Variants in FAM167A observed in about 807,000 individuals in gnomAD.
FAM167A encodes family with sequence similarity 167 member A.
FAM167A carries 23 observed loss-of-function variants against 14.9 expected under a neutral mutation model. That is an observed-to-expected ratio of 1.55 (90% CI 1.11 to 2.19). The LOEUF (loss-of-function observed/expected upper bound fraction) is 2.19, where lower values mean the gene tolerates loss of function less well. Ranked by LOEUF, FAM167A falls within the 30% of genes most tolerant of loss-of-function variation. The pLI, the probability that FAM167A is intolerant of heterozygous loss-of-function variation, is 0.00. For missense variants in FAM167A, 401 were observed against 281.5 expected (o/e 1.42, Z -3.04); for synonymous variants, 174 against 117.7 (o/e 1.48, Z -3.10).
chr8:11,432,173 C>G (rs1408888645), intron 2 of FAM167A, among the ~76,000 whole-genome samples: 5 of 152,114 alleles, frequency 3.3e-5, no homozygotes, highest in African/African-American at 1.2e-4. Flanking sequence ...GAGATCTGCT[C>G]CAATACTTTC....
rs540636504 is a variant in FAM167A at position 11,474,286 on chromosome 8, A to G, written c.-398+1580T>C. Among the ~76,000 whole-genome samples, 29 of 152,338 alleles carry G rather than the reference A, an allele frequency of 1.9e-4. 1 individual carries two copies. The South Asian group carries it at 6.0e-3, about 32-fold the overall frequency. ...CAGGCACAGCATGAACAAATATTCA[A>G]CAAGCAAACTGGCAGCATTCCTGGA... On this transcript the variant is annotated intron_variant, in intron 1 of 1. Coordinates refer to the FAM167A transcript ENST00000648766.
chr8:11,469,676 G>A (rs1807892476), upstream of FAM167A, among the ~76,000 whole-genome samples: 1 of 151,772 alleles, frequency 6.6e-6, no homozygotes, highest in Non-Finnish European at 1.5e-5. Context: ...AGACCAGCCT[G>A]GGCAACATGG....
chr8:11,450,839 T>C (rs912737554), intron 1 of FAM167A, among the ~76,000 whole-genome samples: 3 of 152,182 alleles, frequency 2.0e-5, no homozygotes, highest in African/African-American at 7.2e-5. Flanking sequence ...TCCCCACGGA[T>C]GCCACCCACC....
chr8:11,435,065 G>A (rs770211187), intron 2 of FAM167A: 44 of 456,752 alleles, frequency 9.6e-5, no homozygotes, highest in Non-Finnish European at 1.8e-4. Flanking sequence ...TCAAGAGGCT[G>A]ATGGGCAGGT....
intron 2 of FAM167A, among the ~76,000 whole-genome samples, chr8:11,437,134 A>C (rs565356101): frequency 2.2e-4 from 33 of 152,316 alleles, no homozygotes; most frequent in Admixed American, 7.8e-4. Flanking sequence ...GGGGCCTCAC[A>C]GTTTCCTATA....
intron 1 of FAM167A, among the ~76,000 whole-genome samples, chr8:11,452,597 C>A (rs1292436793): frequency 6.6e-6 from 1 of 152,214 alleles, no homozygotes; most frequent in Non-Finnish European, 1.5e-5. Context: ...CATCAGCCTC[C>A]ACCCCACGAG....
intron 2 of FAM167A, among the ~76,000 whole-genome samples, chr8:11,437,885 C>G (rs929511510): frequency 2.0e-5 from 3 of 152,186 alleles, no homozygotes; most frequent in Non-Finnish European, 2.9e-5. Context: ...GAGGAATTTG[C>G]GTATTTCCCT....
intron 2 of FAM167A, chr8:11,435,143 C>T (rs2117038587): frequency 4.4e-6 from 2 of 456,676 alleles, no homozygotes; most frequent in Non-Finnish European, 8.8e-6. Context: ...TCTCCAGCCT[C>T]CTCTCCCACT....
At chr8:11,456,714 G>C (rs1807328139) in intron 1 of FAM167A, among the ~76,000 whole-genome samples, 1 of 151,590 alleles carries the variant, frequency 6.6e-6, no homozygotes, top group Non-Finnish European at 1.5e-5. Flanking sequence ...TAGGGATGTA[G>C]GTGTGGCTGG....
chr8:11,457,135 G>C (rs967941999), intron 1 of FAM167A, among the ~76,000 whole-genome samples: 2 of 149,710 alleles, frequency 1.3e-5, no homozygotes, highest in Non-Finnish European at 3.0e-5. Context: ...GGCGGGGCTG[G>C]GTTAGGGGTG....
At chr8:11,441,115 G>C (rs557019344) in intron 2 of FAM167A, among the ~76,000 whole-genome samples, 1 of 152,166 alleles carries the variant, frequency 6.6e-6, no homozygotes, top group Admixed American at 6.5e-5. Context: ...CCTCAGAGTC[G>C]CAATCTTCTG....
rs1432961764 is a variant in FAM167A at position 11,444,290 on chromosome 8, G to A, written c.122C>T (p.Thr41Ile). 3 of 1,612,028 alleles carry A rather than the reference G, an allele frequency of 1.9e-6. No homozygotes were observed. Among genetic ancestry groups the A allele is most frequent in the Admixed American group, 1.7e-5 (1 of 59,986 alleles). ...CCATTCCAGGTAGGAGGGCCTGCGG[G>A]TCTCCAGCCTCAGTTTCTCGGTGAG... ...KALTEKLRLE[T>I]RRPSYLEWQA... is the part of the protein sequence containing the mutation. Residue 41 changes from threonine (T) to isoleucine (I), a missense_variant, in exon 2 of 3, where the codon ACC becomes ATC. Coordinates refer to ENST00000284486, the MANE Select transcript of FAM167A (RefSeq NM_053279.3).
chr8:11,435,461 GAATGAATC>G (rs1450893308), intron 2 of FAM167A, among the ~76,000 whole-genome samples: 3 of 152,230 alleles, frequency 2.0e-5, no homozygotes, highest in Admixed American at 6.5e-5. Context: ...TTTGTTAGAT[GAATGAATC>G]AATGAATCAA....
At chr8:11,462,159 G>A (rs1406535574) in intron 1 of FAM167A, among the ~76,000 whole-genome samples, 2 of 152,230 alleles carry the variant, frequency 1.3e-5, no homozygotes, top group South Asian at 4.1e-4. Flanking sequence ...GAGGTACTTG[G>A]CTGCTGAAGC....
At chr8:11,445,291 C>G in intron 1 of FAM167A, 1 of 985,792 alleles carries the variant, frequency 1.0e-6, no homozygotes. Flanking sequence ...TAAGGTGGGT[C>G]TGCTCCGTCC....
At chr8:11,443,264 C>A (rs577739907) in intron 2 of FAM167A, among the ~76,000 whole-genome samples, 402 of 152,348 alleles carry the variant, frequency 2.6e-3, no homozygotes, top group African/African-American at 8.8e-3. Flanking sequence ...TCTGCCCCCC[C>A]ACCCTGTTCT....
At chr8:11,466,293 G>C (rs1807762432) in intron 1 of FAM167A, among the ~76,000 whole-genome samples, 1 of 152,242 alleles carries the variant, frequency 6.6e-6, no homozygotes, top group Non-Finnish European at 1.5e-5. Context: ...GACCCGGAGA[G>C]GCTGAGTGCG....
upstream of FAM167A, chr8:11,466,806 G>A (rs1190723395): frequency 2.0e-5 from 3 of 152,182 alleles, no homozygotes; most frequent in East Asian, 1.9e-4. Flanking sequence ...TTGCGTCAGG[G>A]CGGTTGCCTG....
intron 1 of FAM167A, among the ~76,000 whole-genome samples, chr8:11,472,633 C>A (rs915730088): frequency 3.9e-5 from 6 of 152,078 alleles, no homozygotes; most frequent in Admixed American, 2.6e-4. Flanking sequence ...GGAGAGCCTT[C>A]TAGACGTGAT....
Sources: gnomAD v4.1 joint callset for allele counts (sites outside exome capture counted in the v4.1 genomes callset) on GRCh38, gnomAD v4.1.1 for gene constraint, MANE v1.5 for transcripts, NCBI Gene and HGNC (gene_info 2026-07-23, HGNC 2026-07-21) for gene names.